Variants in C2CD5 observed in about 807,000 individuals in gnomAD.
The protein encoded by C2CD5 is C2 calcium dependent domain containing 5, also known as C2 domain-containing protein 5.
Under a neutral mutation model 130.3 loss-of-function variants are expected in C2CD5, and 109 were observed. The ratio of observed to expected loss-of-function variants is 0.84; its 90% CI spans 0.72 to 0.98. C2CD5 has a LOEUF of 0.98. Among genes scored for constraint, C2CD5 ranks in the 50% least tolerant of loss-of-function variants. C2CD5 has a pLI of 0.00. For missense variants in C2CD5, 996 were observed against 1,261.8 expected, an observed-to-expected ratio of 0.79 and a Z score of 3.19; for synonymous variants, 454 against 429.2, an observed-to-expected ratio of 1.06 and a Z score of -0.71.
intron 10 of C2CD5, among the ~76,000 whole-genome samples, chr12:22,495,951 G>A (rs1268153875): frequency 2.0e-5 from 3 of 152,018 alleles, no homozygotes; most frequent in African/African-American, 4.8e-5. Flanking sequence ...GAAAGTAATG[G>A]CCCTAGATTC....
At chr12:22,510,312 A>T (rs1271211162) in intron 9 of C2CD5, among the ~76,000 whole-genome samples, 1 of 151,938 alleles carries the variant, frequency 6.6e-6, no homozygotes, top group East Asian at 1.9e-4. Flanking sequence ...TTTCTCCAGA[A>T]GTCTTCATAT....
At chr12:22,486,152 A>G (rs540852071) in intron 12 of C2CD5, among the ~76,000 whole-genome samples, 40 of 151,044 alleles carry the variant, frequency 2.6e-4, no homozygotes, top group African/African-American at 9.5e-4. Flanking sequence ...TTGACCTGCT[A>G]CTTATCCTGT....
chr12:22,451,610 C>T (rs1938621791), intron 26 of C2CD5, among the ~76,000 whole-genome samples: 1 of 151,826 alleles, frequency 6.6e-6, no homozygotes, highest in Non-Finnish European at 1.5e-5. Flanking sequence ...TAGCCTCATA[C>T]CAAACTTAAG....
chr12:22,530,206 GTATA>G (rs1240595639), intron 3 of C2CD5, among the ~76,000 whole-genome samples: 2 of 135,168 alleles, frequency 1.5e-5, no homozygotes, highest in African/African-American at 2.8e-5. Context: ...TATATATACA[GTATA>G]TATATAACTG....
intron 15 of C2CD5, among the ~76,000 whole-genome samples, chr12:22,476,474 A>G (rs1040229513): frequency 7.9e-5 from 12 of 152,130 alleles, no homozygotes; most frequent in Admixed American, 7.9e-4. Flanking sequence ...TGAAATTCAT[A>G]TATGTTAAAA....
chr12:22,535,390 G>T, intron 2 of C2CD5, 46 bp from the exon 3 acceptor site: 1 of 1,015,558 alleles, frequency 9.8e-7, no homozygotes, highest in South Asian at 1.3e-5. Flanking sequence ...TCAAAAATGT[G>T]AATAAAAGTA....
chr12:22,478,094 G>C (rs996065465), intron 15 of C2CD5: 4 of 507,622 alleles, frequency 7.9e-6, no homozygotes, highest in African/African-American at 5.8e-5. Flanking sequence ...AAAGTCATAG[G>C]AAGTGGCAAA....
intron 5 of C2CD5, among the ~76,000 whole-genome samples, chr12:22,524,875 A>G (rs946626139): frequency 4.6e-5 from 7 of 152,220 alleles, no homozygotes; most frequent in Non-Finnish European, 1.0e-4. Context: ...CTGCATTTGT[A>G]TAATTTGGAA....
In C2CD5 at chr12:22,531,461, G is replaced by A. The variant is rs531975724; in HGVS notation, c.178-3569C>T. Among the ~76,000 whole-genome samples the A allele has an allele frequency of 2.6e-5, 4 of 152,308 alleles. No homozygotes were observed. In the South Asian group the frequency reaches 8.3e-4, roughly 32 times the overall value. On this transcript the variant is annotated intron_variant, in intron 3 of 26. Transcript: ENST00000446597. ...ATACAGACCAATGGAATGGAGTTGA[G>A]AGTGCGGAAATAAATCCTTACATCT...
At chr12:22,478,000 AACACACACACTCACACAC>A (rs1332863052) in intron 15 of C2CD5, 20 of 280,942 alleles carry the variant, frequency 7.1e-5, no homozygotes, top group African/African-American at 2.7e-4. Context: ...AGACCAACAA[AACACACACACTCACACAC>A]ACACACACAC....
intron 16 of C2CD5, among the ~76,000 whole-genome samples, chr12:22,473,616 C>T (rs1353200443): frequency 6.6e-6 from 1 of 152,074 alleles, no homozygotes; most frequent in Non-Finnish European, 1.5e-5. Context: ...AGCCAGGATC[C>T]CAAGATCAGA....
In C2CD5 at chr12:22,471,380, T is replaced by C. The variant is rs766310005; in HGVS notation, c.2358+19A>G. ...AAACAGATCAGATAAAGACTAATAA[T>C]GGACTAAATCTTAATTACCTGAATT... is the stretch of plus-strand genomic sequence containing the variant. On this transcript the variant is annotated intron_variant, in intron 20 of 26. Transcript: ENST00000446597. 3 of 1,247,390 alleles carry C rather than the reference T, an allele frequency of 2.4e-6. No homozygotes were observed. Among genetic ancestry groups the C allele is most frequent in the South Asian group, 1.2e-5 (1 of 80,600 alleles). 77.3% of individuals were successfully genotyped at this position (1,247,390 alleles called of 1,614,324 possible).
At chr12:22,492,975 T>G (rs1277939600) in intron 11 of C2CD5, among the ~76,000 whole-genome samples, 3 of 152,178 alleles carry the variant, frequency 2.0e-5, no homozygotes, top group South Asian at 4.1e-4. Context: ...TGTAAATGAT[T>G]AATTGATCTG....
At chr12:22,471,827 C>T (rs557391557) in intron 19 of C2CD5, 140 bp downstream of exon 19, 115 of 584,376 alleles carry the variant, frequency 2.0e-4, no homozygotes, top group Non-Finnish European at 2.7e-4. Context: ...GTATCTCACC[C>T]GCTGATAGAG....
chr12:22,487,553 C>A (rs1346453840), intron 12 of C2CD5, among the ~76,000 whole-genome samples: 1 of 152,222 alleles, frequency 6.6e-6, no homozygotes, highest in Middle Eastern at 3.4e-3. Context: ...CAGGAAACAA[C>A]AGGTGCTGGA....
chr12:22,513,589 C>T (rs1280400360), intron 8 of C2CD5, among the ~76,000 whole-genome samples: 1 of 151,896 alleles, frequency 6.6e-6, no homozygotes, highest in African/African-American at 2.4e-5. Context: ...CTACTGACCC[C>T]AGCTAGTTTT....
intron 2 of C2CD5, among the ~76,000 whole-genome samples, chr12:22,537,393 C>G (rs1183543989): frequency 6.6e-6 from 1 of 152,030 alleles, no homozygotes; most frequent in East Asian, 1.9e-4. Context: ...CCCAGTCTTT[C>G]AAACAAGAAA....
At chr12:22,454,191 C>T (rs1939299740) in intron 25 of C2CD5, 149 bp from the exon 26 acceptor site, 2 of 612,870 alleles carry the variant, frequency 3.3e-6, no homozygotes, top group African/African-American at 3.7e-5. Context: ...TGGGGATTTA[C>T]TGCATGAATG....
At chr12:22,473,448 T>C (rs1443987945) in intron 16 of C2CD5, among the ~76,000 whole-genome samples, 1 of 152,118 alleles carries the variant, frequency 6.6e-6, no homozygotes, top group Admixed American at 6.6e-5. Flanking sequence ...GTCACAGCCA[T>C]ACCTCAACCC....
Sources: allele counts gnomAD v4.1 joint callset (sites outside exome capture counted in the v4.1 genomes callset), GRCh38; gene constraint gnomAD v4.1.1; transcripts MANE v1.5; gene names NCBI Gene and HGNC (gene_info 2026-07-23, HGNC 2026-07-21).